The following SLC29A3 variants were observed in gnomAD, a reference collection of about 807,000 sequenced individuals.
The protein encoded by SLC29A3 is equilibrative nucleoside transporter 3.
Under a neutral mutation model 25.4 loss-of-function variants are expected in SLC29A3, and 18 were observed. That is an observed-to-expected ratio of 0.71 (90% CI 0.49 to 1.05). SLC29A3 has a LOEUF of 1.05. Ranked by LOEUF, SLC29A3 falls within the 50% of genes least tolerant of loss-of-function variation. SLC29A3 has a pLI of 0.00. For missense variants in SLC29A3, 586 were observed against 609.0 expected, an observed-to-expected ratio of 0.96 and a Z score of 0.40; for synonymous variants, 258 against 267.1, an observed-to-expected ratio of 0.97 and a Z score of 0.33.
At chr10:71,373,795 G>T (rs1425338445) in intron 3 of SLC29A3, among the ~76,000 whole-genome samples, 1 of 152,166 alleles carries the variant, frequency 6.6e-6, no homozygotes. Context: ...ATAAGGAAGG[G>T]CTGGGAAGGC....
intron 2 of SLC29A3, among the ~76,000 whole-genome samples, chr10:71,332,149 T>C (rs12762394): frequency 0.08 from 11,683 of 145,160 alleles, 567 homozygotes; most frequent in South Asian, 0.17. Flanking sequence ...TTTTCTTTTT[T>C]TTCTTTTTTT....
At chr10:71,376,660 A>G (rs1847253975) in intron 4 of SLC29A3, among the ~76,000 whole-genome samples, 1 of 152,242 alleles carries the variant, frequency 6.6e-6, no homozygotes. Context: ...AGTTTATTCA[A>G]GCCCAAAGCT....
intron 3 of SLC29A3, among the ~76,000 whole-genome samples, chr10:71,349,456 A>G (rs2131836158): frequency 6.6e-6 from 1 of 152,198 alleles, no homozygotes; most frequent in South Asian, 2.1e-4. Context: ...GTCCCAGGGA[A>G]GACTTAAAGA....
chr10:71,365,549 G>C (rs765574825), downstream of SLC29A3: 1 of 152,340 alleles, frequency 6.6e-6, no homozygotes, highest in Non-Finnish European at 1.5e-5. Context: ...AGGAGAGGCC[G>C]CTCTGTTGGG....
At chr10:71,336,361 G>T (rs1846253986) in intron 2 of SLC29A3, among the ~76,000 whole-genome samples, 2 of 152,098 alleles carry the variant, frequency 1.3e-5, no homozygotes, top group Non-Finnish European at 2.9e-5. Context: ...TCTAGACGGG[G>T]TAGCATGCAG....
At chr10:71,349,588 AACC>A (rs1053015381) in intron 3 of SLC29A3, among the ~76,000 whole-genome samples, 1 of 151,924 alleles carries the variant, frequency 6.6e-6, no homozygotes, top group Non-Finnish European at 1.5e-5. Flanking sequence ...GGGTGTGGGC[AACC>A]TGGCTGACCA....
chr10:71,320,671 G>A (rs1845828272), intron 1 of SLC29A3, among the ~76,000 whole-genome samples: 1 of 152,214 alleles, frequency 6.6e-6, no homozygotes, highest in African/African-American at 2.4e-5. Context: ...AAATAGACTT[G>A]CTGGCTGGAT....
intron 4 of SLC29A3, among the ~76,000 whole-genome samples, chr10:71,377,425 A>G (rs553689443): frequency 2.0e-5 from 3 of 152,288 alleles, no homozygotes; most frequent in Admixed American, 2.0e-4. Context: ...CAGGGACTGG[A>G]CCGCCCCCGC....
At chr10:71,369,952 G>C (rs546093836) in intron 3 of SLC29A3, among the ~76,000 whole-genome samples, 3 of 152,146 alleles carry the variant, frequency 2.0e-5, no homozygotes, top group Non-Finnish European at 4.4e-5. Context: ...ATCTGAGGAC[G>C]CCCAGAGCAC....
chr10:71,337,281 G>A (rs1308550278), intron 2 of SLC29A3, among the ~76,000 whole-genome samples: 2 of 152,158 alleles, frequency 1.3e-5, no homozygotes, highest in African/African-American at 4.8e-5. Flanking sequence ...ACCCCTTATG[G>A]GGACATCTGC....
At chr10:71,360,046 G>C (rs1847014476) in intron 5 of SLC29A3, among the ~76,000 whole-genome samples, 1 of 150,768 alleles carries the variant, frequency 6.6e-6, no homozygotes, top group South Asian at 2.1e-4. Flanking sequence ...TCTTTCAACA[G>C]TTATGTGTTG....
intron 5 of SLC29A3, among the ~76,000 whole-genome samples, chr10:71,361,333 C>A (rs530029752): frequency 6.6e-6 from 1 of 151,484 alleles, no homozygotes; most frequent in Admixed American, 6.6e-5. Context: ...TTATTATTAT[C>A]GTCATTTTTG....
chr10:71,358,222 C>T (rs537705258), intron 5 of SLC29A3, among the ~76,000 whole-genome samples: 1 of 152,260 alleles, frequency 6.6e-6, no homozygotes, highest in South Asian at 2.1e-4. Context: ...AGGGCCTTAT[C>T]TCATCATTCA....
intron 2 of SLC29A3, among the ~76,000 whole-genome samples, chr10:71,343,808 G>A (rs1846481339): frequency 6.6e-6 from 1 of 152,126 alleles, no homozygotes; most frequent in Admixed American, 6.6e-5. Flanking sequence ...ACAAAAACGT[G>A]GATAGTCTTG....
At chr10:71,324,238 C>T (rs755554939) in intron 2 of SLC29A3, among the ~76,000 whole-genome samples, 7 of 152,192 alleles carry the variant, frequency 4.6e-5, no homozygotes, top group Non-Finnish European at 7.3e-5. Flanking sequence ...AGGCCCAGGA[C>T]TTACACAGTC....
At chr10:71,323,366 C>T (rs148496719) in intron 2 of SLC29A3, among the ~76,000 whole-genome samples, 20 of 152,334 alleles carry the variant, frequency 1.3e-4, no homozygotes, top group Middle Eastern at 6.8e-3. Context: ...CAATTCTGGT[C>T]GGGACAGCCC....
At chr10:71,355,950 T>C in intron 4 of SLC29A3, 131 bp from the exon 5 acceptor site, 1 of 1,012,878 alleles carries the variant, frequency 9.9e-7, no homozygotes, top group Non-Finnish European at 1.5e-6. Flanking sequence ...TTCAGGACAC[T>C]GAGAGAGCTT....
Position 71,322,649 on chromosome 10 carries a change from G to A in SLC29A3, c.2-107G>A, listed in dbSNP as rs1321360054. The A allele has an allele frequency of 3.0e-6, 4 of 1,342,316 alleles. No homozygotes were observed. The African/African-American group carries it at 4.3e-5, about 14-fold the overall frequency. The allele number at this position is 1,342,316 out of a possible 1,614,324, so 83.2% of individuals were successfully genotyped here. A position where few individuals can be genotyped will look rare whatever the true frequency, so the allele number is the denominator to read the frequency against. On this transcript the variant is annotated intron_variant, in intron 1 of 5. Transcript: ENST00000373189. ...GGCTTTGGTGACTTTACAGAGCCCA[G>A]GGTGAGGGGGCATGGTCATTTTGTA...
At chr10:71,326,100 G>A (rs1182292890) in intron 2 of SLC29A3, among the ~76,000 whole-genome samples, 1 of 151,190 alleles carries the variant, frequency 6.6e-6, no homozygotes, top group Non-Finnish European at 1.5e-5. Context: ...TTGTATTTTT[G>A]GTAGAGACAG....
Sources: gnomAD v4.1 joint callset for allele counts (sites outside exome capture counted in the v4.1 genomes callset) on GRCh38, gnomAD v4.1.1 for gene constraint, MANE v1.5 for transcripts, NCBI Gene and HGNC (gene_info 2026-07-23, HGNC 2026-07-21) for gene names.